The following ATP8A1 variants were observed in gnomAD, a reference collection of about 807,000 sequenced individuals.
The protein encoded by ATP8A1 is phospholipid-transporting ATPase IA.
In ATP8A1, 90 loss-of-function variants were observed where a neutral mutation model predicts 177.7. The ratio of observed to expected loss-of-function variants is 0.51; its 90% CI spans 0.43 to 0.60. The LOEUF (loss-of-function observed/expected upper bound fraction) is 0.60, where lower values mean the gene tolerates loss of function less well. Among genes scored for constraint, ATP8A1 ranks in the 20% least tolerant of loss-of-function variants. ATP8A1 has a pLI of 0.00. For synonymous variants in ATP8A1, 493 were observed against 485.9 expected, an observed-to-expected ratio of 1.01 and a Z score of -0.19; for missense variants, 1,072 against 1,392.8, an observed-to-expected ratio of 0.77 and a Z score of 3.67.
chr4:42,552,682 A>T, intron 16 of ATP8A1, 72 bp from the exon 17 acceptor site: 2 of 1,097,716 alleles, frequency 1.8e-6, no homozygotes, highest in Non-Finnish European at 2.7e-6. Flanking sequence ...ATATTACTTC[A>T]TGTCTATTAA....
At chr4:42,447,402 C>G (rs1717398992) in intron 30 of ATP8A1, among the ~76,000 whole-genome samples, 1 of 151,960 alleles carries the variant, frequency 6.6e-6, no homozygotes, top group South Asian at 2.1e-4. Flanking sequence ...AGGCTGGTCT[C>G]GAACTCCTGG....
chr4:42,594,366 A>G lies in ATP8A1; in HGVS notation c.451-3482T>C, dbSNP rs747890673. ...TAACTATATCTCCAACATTTACCTG[A>G]AAGAAAACTGGGAATTGGTTAATTA... On this transcript the variant is annotated intron_variant, in intron 6 of 36. Transcript: ENST00000381668. 26 of 1,537,870 alleles carry G rather than the reference A, an allele frequency of 1.7e-5. No individual in the cohort carries two copies. The South Asian group carries it at 2.9e-4, about 17-fold the overall frequency.
intron 16 of ATP8A1, among the ~76,000 whole-genome samples, chr4:42,554,012 A>C (rs2153212145): frequency 6.6e-6 from 1 of 152,350 alleles, no homozygotes; most frequent in Non-Finnish European, 1.5e-5. Context: ...ATGAGGAGAA[A>C]GGAGCTCAAA....
At chr4:42,560,081 G>A (rs1377444410) in intron 15 of ATP8A1, among the ~76,000 whole-genome samples, 1 of 152,054 alleles carries the variant, frequency 6.6e-6, no homozygotes, top group Non-Finnish European at 1.5e-5. Context: ...AAATACTGTG[G>A]TGCATTTACA....
chr4:42,587,381 C>T (rs1733724759), intron 8 of ATP8A1, among the ~76,000 whole-genome samples: 1 of 150,506 alleles, frequency 6.6e-6, no homozygotes, highest in African/African-American at 2.4e-5. Context: ...GATCTCGGCT[C>T]ACTACAACCT....
chr4:42,561,012 C>G (rs906372965), intron 15 of ATP8A1, among the ~76,000 whole-genome samples: 1 of 152,020 alleles, frequency 6.6e-6, no homozygotes, highest in Non-Finnish European at 1.5e-5. Flanking sequence ...GATAATGGAG[C>G]TATTAAGATC....
chr4:42,546,581 T>TAA (rs71200293), intron 19 of ATP8A1, among the ~76,000 whole-genome samples: 2 of 139,236 alleles, frequency 1.4e-5, no homozygotes. Context: ...TAAAGTATAA[T>TAA]AAAAAAAAAA....
chr4:42,615,828 G>T (rs1293264445), intron 5 of ATP8A1, among the ~76,000 whole-genome samples: 1 of 152,100 alleles, frequency 6.6e-6, no homozygotes, highest in East Asian at 1.9e-4. Flanking sequence ...TAAAATGTTG[G>T]CTTTCAAAAG....
At chr4:42,419,323 A>G (rs557127782) in intron 35 of ATP8A1, among the ~76,000 whole-genome samples, 1 of 152,312 alleles carries the variant, frequency 6.6e-6, no homozygotes, top group South Asian at 2.1e-4. Flanking sequence ...AGCTATGACT[A>G]AGACATGGGC....
intron 33 of ATP8A1, among the ~76,000 whole-genome samples, chr4:42,440,344 T>G (rs1451400615): frequency 6.6e-6 from 1 of 151,908 alleles, no homozygotes; most frequent in Admixed American, 6.6e-5. Context: ...AGTTTTTTTT[T>G]TTTTTTTTTT....
chr4:42,588,113 C>A, intron 8 of ATP8A1, 147 bp downstream of exon 8: 1 of 543,632 alleles, frequency 1.8e-6, no homozygotes, highest in Non-Finnish European at 3.2e-6. Context: ...TTAACAATAC[C>A]AGTTTATAAA....
intron 5 of ATP8A1, among the ~76,000 whole-genome samples, chr4:42,609,314 C>T (rs939461386): frequency 2.0e-5 from 3 of 152,106 alleles, no homozygotes; most frequent in African/African-American, 7.2e-5. Context: ...GATTCTGATG[C>T]CAAATTTGAG....
intron 1 of ATP8A1, among the ~76,000 whole-genome samples, chr4:42,634,295 G>A (rs1739054818): frequency 6.6e-6 from 1 of 152,176 alleles, no homozygotes. Context: ...TGAAAGAAAT[G>A]TAGGATTTTT....
At chr4:42,593,722 A>T (rs1369268748) in intron 6 of ATP8A1, among the ~76,000 whole-genome samples, 1 of 152,096 alleles carries the variant, frequency 6.6e-6, no homozygotes, top group Admixed American at 6.5e-5. Flanking sequence ...TAACAGTGCC[A>T]TATGTTCTGA....
intron 22 of ATP8A1, among the ~76,000 whole-genome samples, chr4:42,507,791 A>AAAC (rs1724573971): frequency 7.2e-6 from 1 of 139,470 alleles, no homozygotes; most frequent in Non-Finnish European, 1.6e-5. Flanking sequence ...AAAAAAAAAA[A>AAAC]AAAAAAAAAA....
At position 42,409,280 on chromosome 4, in the gene ATP8A1, T is replaced by C. The variant is rs1210310909; in HGVS notation, c.*3636A>G. ...AAATCAAGACGAAATATGGAAAACA[T>C]TTATTTCCTTTCCTTCAAAATTTAA... On this transcript the variant is annotated 3_prime_UTR_variant, in exon 37 of 37. Transcript: ENST00000381668. The C allele has an allele frequency of 6.6e-6, 1 of 152,168 alleles. No homozygotes were observed. The highest frequency in any genetic ancestry group is 1.5e-5 in the Non-Finnish European group (1 of 68,010). The allele number at this position is 152,168 out of a possible 1,614,324, so 9.4% of individuals were successfully genotyped here.
At chr4:42,615,846 A>G (rs554982799) in intron 5 of ATP8A1, among the ~76,000 whole-genome samples, 187 bp downstream of exon 5, 1 of 152,344 alleles carries the variant, frequency 6.6e-6, no homozygotes, top group African/African-American at 2.4e-5. Flanking sequence ...AAGTATTATC[A>G]CTATAAATCA....
At chr4:42,648,059 A>G (rs910926704) in intron 1 of ATP8A1, among the ~76,000 whole-genome samples, 1 of 152,244 alleles carries the variant, frequency 6.6e-6, no homozygotes, top group Non-Finnish European at 1.5e-5. Flanking sequence ...ATATCAAAGT[A>G]GCAATAATTG....
intron 14 of ATP8A1, among the ~76,000 whole-genome samples, chr4:42,571,012 C>CT (rs1045647224): frequency 2.0e-5 from 3 of 152,134 alleles, no homozygotes; most frequent in Non-Finnish European, 2.9e-5. Flanking sequence ...GAACTTTTGC[C>CT]TTTTTTACCT....
Sources: allele counts gnomAD v4.1 joint callset (sites outside exome capture counted in the v4.1 genomes callset), GRCh38; gene constraint gnomAD v4.1.1; transcripts MANE v1.5; gene names NCBI Gene and HGNC (gene_info 2026-07-23, HGNC 2026-07-21).